The following MTREX variants were observed in gnomAD, a reference collection of about 807,000 sequenced individuals.
MTREX encodes Mtr4 exosome RNA helicase, also known as exosome RNA helicase MTR4.
In MTREX, 76 loss-of-function variants were observed where a neutral mutation model predicts 135.4. The ratio of observed to expected loss-of-function variants is 0.56; its 90% confidence interval spans 0.47 to 0.68. MTREX has a LOEUF of 0.68. Ranked by LOEUF, MTREX falls within the 30% of genes least tolerant of loss-of-function variation. The probability of loss-of-function intolerance (pLI) is 0.00; values close to 1 mark genes in which losing one functional copy is unlikely to be tolerated. For missense variants in MTREX, 920 were observed against 1,262.1 expected, an observed-to-expected ratio of 0.73 and a Z score of 4.11; for synonymous variants, 404 against 401.6, an observed-to-expected ratio of 1.01 and a Z score of -0.07.
chr5:55,353,039 A>G, intron 13 of MTREX, 129 bp from the exon 14 acceptor site: 1 of 502,852 alleles, frequency 2.0e-6, no homozygotes, highest in Non-Finnish European at 3.4e-6. Flanking sequence ...TTGAGAACAT[A>G]TTGTTTGTTA....
chr5:55,362,239 C>T (rs955315277), intron 15 of MTREX, among the ~76,000 whole-genome samples: 6 of 151,388 alleles, frequency 4.0e-5, no homozygotes, highest in Non-Finnish European at 5.9e-5. Context: ...GCTGGCTTGG[C>T]GAATTTTTAA....
intron 16 of MTREX, among the ~76,000 whole-genome samples, chr5:55,375,224 T>G (rs1422839718): frequency 6.6e-6 from 1 of 152,210 alleles, no homozygotes; most frequent in East Asian, 1.9e-4. Flanking sequence ...AGACAGGGTT[T>G]TGAGATCAAC....
In MTREX at chr5:55,425,168, GA is replaced by G. The variant is rs934107152; in HGVS notation, c.*400del. ...GCCTTGTGGCAATCATTTTCCTTTA[GA>G]AAACAGGCCAGCTTCACCTGGGCAC... On this transcript the variant is annotated 3_prime_UTR_variant, in exon 27 of 27. Coordinates refer to ENST00000230640, the MANE Select transcript of MTREX (RefSeq NM_015360.5). 6 of 1,588,610 alleles carry G rather than the reference GA, an allele frequency of 3.8e-6. No individual in the cohort carries two copies. In the African/African-American group the frequency reaches 8.2e-5, roughly 22 times the overall value.
intron 16 of MTREX, among the ~76,000 whole-genome samples, chr5:55,372,041 T>C (rs1267908753): frequency 6.6e-6 from 1 of 152,148 alleles, no homozygotes; most frequent in Non-Finnish European, 1.5e-5. Flanking sequence ...TTTTCTTAAA[T>C]TCCTCTGGTC....
chr5:55,336,324 A>C (rs560946057), intron 5 of MTREX, among the ~76,000 whole-genome samples: 51 of 152,308 alleles, frequency 3.3e-4, no homozygotes, highest in African/African-American at 1.2e-3. Context: ...CAGTCTTTCA[A>C]CATTAAGTAT....
At chr5:55,423,167 A>G in intron 26 of MTREX, 185 bp downstream of exon 26, 1 of 585,906 alleles carries the variant, frequency 1.7e-6, no homozygotes, top group East Asian at 2.8e-5. Flanking sequence ...TTATATATAC[A>G]TGCATTTACG....
intron 10 of MTREX, among the ~76,000 whole-genome samples, chr5:55,345,471 A>G (rs1391305484): frequency 6.6e-6 from 1 of 151,980 alleles, no homozygotes; most frequent in Non-Finnish European, 1.5e-5. Flanking sequence ...ATTTTCATGA[A>G]CCCAAAAAGA....
At chr5:55,341,496 T>C (rs1023321747) in intron 6 of MTREX, among the ~76,000 whole-genome samples, 185 bp from the exon 7 acceptor site, 2 of 152,186 alleles carry the variant, frequency 1.3e-5, no homozygotes, top group Non-Finnish European at 2.9e-5. Flanking sequence ...TACAACAATG[T>C]AATATTGAAT....
chr5:55,414,204 C>T lies in MTREX; in HGVS notation c.2774C>T (p.Thr925Ile). The change falls in exon 24 of 27, where the codon ACA (threonine) becomes ATA (isoleucine). Residue 925 changes from threonine to isoleucine, a missense_variant. Physicochemically the swap from Thr to Ile is moderately conservative, Grantham distance 89 (BLOSUM62 -1). Coordinates refer to ENST00000230640, the MANE Select transcript of MTREX (RefSeq NM_015360.5). ...TAGTCTAGTGAGATGCCCAAATTAA[C>T]AGAACAATTAGCAGGACCACTTCGT... ...QENSSEMPKL[T>I]EQLAGPLRQM... is the part of the protein sequence containing the mutation. 2 of 1,553,772 alleles carry T rather than the reference C, an allele frequency of 1.3e-6. No homozygotes were observed. Among genetic ancestry groups the T allele is most frequent in the Non-Finnish European group, 1.7e-6 (2 of 1,156,236 alleles).
Position 55,404,166 on chromosome 5 carries a change from AAC to A in MTREX, c.2482-1257_2482-1256del, listed in dbSNP as rs965238664. On this transcript the variant is annotated intron_variant, in intron 21 of 26. Coordinates refer to ENST00000230640, the MANE Select transcript of MTREX (RefSeq NM_015360.5). ...TTTCCTCCTTAGTAGAAGTTTAATA[AAC>A]AGTCTAAAAAATTCCATTATCTTCG... Among the ~76,000 whole-genome samples, 26 of 152,204 alleles carry A rather than the reference AAC, an allele frequency of 1.7e-4. 1 individual carries two copies. The highest frequency in any genetic ancestry group is 5.8e-4 in the African/African-American group (24 of 41,454).
At chr5:55,405,645 T>C (rs1260563459) in intron 22 of MTREX, 57 bp downstream of exon 22, 15 of 1,461,960 alleles carry the variant, frequency 1.0e-5, no homozygotes, top group Non-Finnish European at 1.4e-5. Context: ...TTAATTTTAA[T>C]TTTTGTTTAT....
chr5:55,331,196 T>G (rs1269450693), intron 5 of MTREX, among the ~76,000 whole-genome samples: 1 of 152,164 alleles, frequency 6.6e-6, no homozygotes, highest in Non-Finnish European at 1.5e-5. Flanking sequence ...AAAAAAAAAT[T>G]TTCATTACAG....
At chr5:55,424,460 T>TAAAC (rs1049971856) in intron 26 of MTREX, 3 of 293,440 alleles carry the variant, frequency 1.0e-5, no homozygotes, top group Admixed American at 4.6e-5. Context: ...TTTATCTTTT[T>TAAAC]AAACAGTTCT....
intron 15 of MTREX, among the ~76,000 whole-genome samples, chr5:55,359,705 T>G (rs1390151112): frequency 6.6e-6 from 1 of 152,202 alleles, no homozygotes; most frequent in East Asian, 1.9e-4. Flanking sequence ...TTTTTATTCT[T>G]TTCTCTAATT....
chr5:55,330,118 G>A (rs1319309864), intron 5 of MTREX, among the ~76,000 whole-genome samples: 1 of 151,812 alleles, frequency 6.6e-6, no homozygotes, highest in Non-Finnish European at 1.5e-5. Context: ...TTGCTCTGTC[G>A]CCCAGGTTGG....
intron 18 of MTREX, among the ~76,000 whole-genome samples, chr5:55,382,834 A>G (rs562348535): frequency 3.5e-4 from 53 of 152,250 alleles, no homozygotes; most frequent in African/African-American, 1.2e-3. Flanking sequence ...GTGTTTCACC[A>G]TGTTGGCCAG....
At position 55,378,481 on chromosome 5, in the gene MTREX, G is replaced by A. The variant is rs756380350; in HGVS notation, c.1978G>A (p.Val660Ile). Residue 660 changes from valine to isoleucine, a missense_variant, in exon 17 of 27, where the codon GTA (valine) becomes ATA (isoleucine). Around this residue, in one of 6 missense-constraint regions of MTREX, gnomAD observed 467 missense variants for 589.7 expected, o/e 0.79. Transcript: ENST00000230640. ...CLPFLQPGRL[V>I]KVKNEGDDFG... The stretch of plus-strand genomic sequence containing the variant: ...ACCTTTTCTACAACCAGGTCGTTTG[G>A]TAAAGGTATGTCATTGTTTCTTCAT... The A allele has an allele frequency of 6.2e-7, 1 of 1,605,968 alleles. No homozygotes were observed. Among genetic ancestry groups the A allele is most frequent in the South Asian group, 1.1e-5 (1 of 88,158 alleles).
At chr5:55,326,609 C>T (rs920292590) in intron 3 of MTREX, among the ~76,000 whole-genome samples, 2 of 152,086 alleles carry the variant, frequency 1.3e-5, no homozygotes, top group East Asian at 1.9e-4. Context: ...GCTATTTGTA[C>T]GTGTCACATT....
chr5:55,316,084 A>G (rs1243506863), intron 1 of MTREX, among the ~76,000 whole-genome samples: 1 of 152,196 alleles, frequency 6.6e-6, no homozygotes, highest in Non-Finnish European at 1.5e-5. Context: ...AGACTGAGCC[A>G]GGAAGAAATT....
Sources: allele counts gnomAD v4.1 joint callset (sites outside exome capture counted in the v4.1 genomes callset), GRCh38; gene constraint gnomAD v4.1.1; regional missense constraint gnomAD v4.1.1; transcripts MANE v1.5; gene names NCBI Gene and HGNC (gene_info 2026-07-23, HGNC 2026-07-21).